RABGAP1L: variants seen among roughly 807,000 people sequenced by gnomAD.
The protein encoded by RABGAP1L is RAB GTPase activating protein 1 like.
A neutral mutation model predicts 137.7 loss-of-function variants in RABGAP1L; 63 were observed. The observed-to-expected ratio is 0.46, with a 90% confidence interval of 0.37 to 0.56. The LOEUF is 0.56. RABGAP1L is among the 20% of genes least tolerant of loss of function. The pLI, the probability that RABGAP1L is intolerant of heterozygous loss-of-function variation, is 0.00. For missense variants in RABGAP1L, 1,095 were observed against 1,244.0 expected (o/e 0.88, Z 1.80); for synonymous variants, 431 against 433.7 (o/e 0.99, Z 0.08).
chr1:174,429,803 C>A (rs1186348090), intron 13 of RABGAP1L, among the ~76,000 whole-genome samples: 1 of 151,394 alleles, frequency 6.6e-6, no homozygotes, highest in East Asian at 1.9e-4. Context: ...ACAAAGGAGA[C>A]ACATAGAGGG....
intron 13 of RABGAP1L, among the ~76,000 whole-genome samples, chr1:174,544,076 G>C (rs915285105): frequency 1.3e-5 from 2 of 152,092 alleles, no homozygotes; most frequent in African/African-American, 4.8e-5. Context: ...ATGTGTCTTG[G>C]AGTTGCTCTT....
At chr1:174,419,536 T>C (rs1199127274) in intron 13 of RABGAP1L, among the ~76,000 whole-genome samples, 2 of 152,210 alleles carry the variant, frequency 1.3e-5, no homozygotes, top group East Asian at 3.8e-4. Flanking sequence ...GTTTTTAAAA[T>C]TTTCTGTAAC....
At chr1:174,253,915 A>G (rs1407854665) in intron 7 of RABGAP1L, among the ~76,000 whole-genome samples, 1 of 152,176 alleles carries the variant, frequency 6.6e-6, no homozygotes, top group Admixed American at 6.5e-5. Context: ...ACTATGTCTT[A>G]TTCTAGGGAA....
At chr1:174,704,091 G>T (rs564665434) in intron 17 of RABGAP1L, among the ~76,000 whole-genome samples, 1 of 152,078 alleles carries the variant, frequency 6.6e-6, no homozygotes, top group African/African-American at 2.4e-5. Context: ...TCCACCTGCC[G>T]GGTTCAAGCA....
chr1:174,550,999 CATAT>C lies in RABGAP1L; in HGVS notation c.1711-86356_1711-86353del, dbSNP rs549477266. ...GTATATATACATATATATATATACA[CATAT>C]ATATATATATATATATATACATACA... On this transcript the variant is annotated intron_variant, in intron 13 of 25. Transcript: ENST00000681986. 1.6e-3 allele frequency among the ~76,000 whole-genome samples: 141 copies of C among 86,334 alleles called. 3 individuals carry two copies. The highest frequency in any genetic ancestry group is 2.1e-3 in the Non-Finnish European group (107 of 50,042). The allele number at this position is 86,334 out of a possible 152,430, so 56.6% of individuals were successfully genotyped here.
At chr1:174,926,640 G>A (rs551988147) in intron 19 of RABGAP1L, among the ~76,000 whole-genome samples, 1 of 151,666 alleles carries the variant, frequency 6.6e-6, no homozygotes, top group East Asian at 1.9e-4. Context: ...TGGTTTTATT[G>A]TTTTATCAAT....
intron 19 of RABGAP1L, among the ~76,000 whole-genome samples, chr1:174,842,638 A>G (rs1338815252): frequency 1.3e-5 from 2 of 152,170 alleles, no homozygotes; most frequent in Admixed American, 1.3e-4. Flanking sequence ...CACAATAGTA[A>G]TATATTAGGC....
intron 18 of RABGAP1L, among the ~76,000 whole-genome samples, chr1:174,780,145 C>A: frequency 6.6e-6 from 1 of 151,912 alleles, no homozygotes; most frequent in South Asian, 2.1e-4. Context: ...TAAAATTTCC[C>A]TCAGTATTAC....
chr1:174,614,456 C>A (rs1479054028), intron 13 of RABGAP1L, among the ~76,000 whole-genome samples: 5 of 152,232 alleles, frequency 3.3e-5, no homozygotes, highest in Non-Finnish European at 7.3e-5. Flanking sequence ...TGCTGTTAGA[C>A]TGATGGGCTT....
chr1:174,571,040 T>A (rs1039908186), intron 13 of RABGAP1L, among the ~76,000 whole-genome samples: 4 of 152,070 alleles, frequency 2.6e-5, no homozygotes, highest in African/African-American at 9.7e-5. Flanking sequence ...AGCAGATGAA[T>A]GGAGAAAGAA....
At chr1:174,946,172 T>G (rs2149307895) in intron 19 of RABGAP1L, among the ~76,000 whole-genome samples, 1 of 152,306 alleles carries the variant, frequency 6.6e-6, no homozygotes, top group South Asian at 2.1e-4. Context: ...AGTTATGCAT[T>G]AACAGCACCT....
At chr1:174,920,520 T>C (rs926011585) in intron 19 of RABGAP1L, among the ~76,000 whole-genome samples, 4 of 152,244 alleles carry the variant, frequency 2.6e-5, no homozygotes, top group East Asian at 1.9e-4. Flanking sequence ...TGGATGGGGA[T>C]GCAGCCAAAC....
intron 19 of RABGAP1L, among the ~76,000 whole-genome samples, chr1:174,878,789 T>C (rs1030900174): frequency 2.6e-5 from 4 of 152,130 alleles, no homozygotes; most frequent in Admixed American, 2.0e-4. Context: ...CCAGATGCAA[T>C]AAATCAACGT....
intron 11 of RABGAP1L, among the ~76,000 whole-genome samples, chr1:174,335,896 A>G (rs1166052188): frequency 6.6e-6 from 1 of 152,200 alleles, no homozygotes; most frequent in Non-Finnish European, 1.5e-5. Flanking sequence ...ATGACAAAAT[A>G]ATTCTATTTC....
intron 13 of RABGAP1L, among the ~76,000 whole-genome samples, chr1:174,473,533 G>GC (rs556719127): frequency 9.6e-4 from 146 of 152,242 alleles, no homozygotes; most frequent in African/African-American, 3.3e-3. Flanking sequence ...ACCACGTGTG[G>GC]CCCTTTCTTT....
At chr1:174,409,209 T>C (rs967790246) in intron 13 of RABGAP1L, among the ~76,000 whole-genome samples, 2 of 152,222 alleles carry the variant, frequency 1.3e-5, no homozygotes, top group Admixed American at 1.3e-4. Context: ...GGAGATTTCA[T>C]TTTAATATGG....
At chr1:174,648,731 C>T (rs191199992) in intron 14 of RABGAP1L, among the ~76,000 whole-genome samples, 72 of 152,224 alleles carry the variant, frequency 4.7e-4, no homozygotes, top group African/African-American at 1.7e-3. Context: ...TGGTCTAGAG[C>T]TGAGTTCAAG....
chr1:174,963,803 A>G (rs989018134), intron 20 of RABGAP1L, among the ~76,000 whole-genome samples: 3 of 152,074 alleles, frequency 2.0e-5, no homozygotes, highest in Admixed American at 1.3e-4. Context: ...AGAAATTTCA[A>G]CATAGACCAT....
chr1:174,405,731 A>G (rs1214439684), intron 13 of RABGAP1L, among the ~76,000 whole-genome samples: 1 of 152,146 alleles, frequency 6.6e-6, no homozygotes, highest in African/African-American at 2.4e-5. Context: ...TAATCCCAGC[A>G]GTTTGGGAGG....
Sources: gnomAD v4.1 joint callset for allele counts (sites outside exome capture counted in the v4.1 genomes callset) on GRCh38, gnomAD v4.1.1 for gene constraint, MANE v1.5 for transcripts, NCBI Gene and HGNC (gene_info 2026-07-23, HGNC 2026-07-21) for gene names.